Variants in CNKSR2 observed in about 807,000 individuals in gnomAD.
The protein encoded by CNKSR2 is CNK homolog protein 2.
In CNKSR2, 14 loss-of-function variants were observed where a neutral mutation model predicts 84.4. That is an observed-to-expected ratio of 0.17 (90% CI 0.11 to 0.26). CNKSR2 has a LOEUF of 0.26. Among genes scored for constraint, CNKSR2 ranks in the 10% least tolerant of loss-of-function variants. The pLI, the probability that CNKSR2 is intolerant of heterozygous loss-of-function variation, is 1.00. For missense variants in CNKSR2, 485 were observed against 771.2 expected (o/e 0.63, Z 4.40); for synonymous variants, 275 against 277.9 (o/e 0.99, Z 0.10).
intron 9 of CNKSR2, among the ~76,000 whole-genome samples, chrX:21,522,197 A>G (rs1453241768): frequency 9.0e-6 from 1 of 110,943 alleles, no homozygotes; most frequent in Non-Finnish European, 1.9e-5. Context: ...ACTTATGTGA[A>G]TGTTCTGTGC....
intron 5 of CNKSR2, among the ~76,000 whole-genome samples, chrX:21,487,862 C>T (rs980394913): frequency 8.9e-6 from 1 of 112,016 alleles, no homozygotes; most frequent in Non-Finnish European, 1.9e-5. Flanking sequence ...AGACCTAGTA[C>T]AAAATGAAAA....
intron 4 of CNKSR2, among the ~76,000 whole-genome samples, chrX:21,460,086 CATACTCTG>C (rs2091042755): frequency 8.9e-6 from 1 of 111,848 alleles, no homozygotes; most frequent in Non-Finnish European, 1.9e-5. Flanking sequence ...TCCCACCATA[CATACTCTG>C]TTCTGGTGAA....
At position 21,487,465 on chromosome X, in the gene CNKSR2, TG is replaced by T. The variant is rs1225995563; in HGVS notation, c.562-2993del. On this transcript the variant is annotated intron_variant, in intron 5 of 21. Transcript: ENST00000379510. Reference sequence around the variant, plus strand: ...TATACATCCATTACTTTCCTATTTATGTATTGGACTCTTTTGAAATATGCTT... The same window carrying T: ...TATACATCCATTACTTTCCTATTTATTATTGGACTCTTTTGAAATATGCTT... 2.7e-5 allele frequency among the ~76,000 whole-genome samples: 3 copies of T among 111,730 alleles called. No individual in the cohort carries two copies. The Admixed American group carries it at 2.9e-4, about 11-fold the overall frequency.
intron 13 of CNKSR2, among the ~76,000 whole-genome samples, chrX:21,585,818 G>C (rs1050949088): frequency 2.7e-5 from 3 of 111,508 alleles, no homozygotes; most frequent in Non-Finnish European, 3.8e-5. Flanking sequence ...GAAAGTGCTA[G>C]TGAAGGCATT....
intron 11 of CNKSR2, among the ~76,000 whole-genome samples, chrX:21,540,780 G>A (rs750060200): frequency 9.0e-6 from 1 of 111,726 alleles, no homozygotes; most frequent in East Asian, 2.8e-4. Context: ...AAGATTATAA[G>A]AATATGGGTA....
intron 13 of CNKSR2, among the ~76,000 whole-genome samples, chrX:21,583,990 T>C (rs1204300228): frequency 8.9e-6 from 1 of 112,498 alleles, no homozygotes; most frequent in Admixed American, 9.4e-5. Context: ...AATAGCCTTT[T>C]ATTTTAGCAC....
chrX:21,585,624 G>C (rs1335666126), intron 13 of CNKSR2, among the ~76,000 whole-genome samples: 2 of 110,839 alleles, frequency 1.8e-5, no homozygotes, highest in Non-Finnish European at 3.8e-5. Flanking sequence ...AGATTTGGCT[G>C]ATGAGTGATA....
chrX:21,631,874 A>G (rs7058945), intron 20 of CNKSR2, among the ~76,000 whole-genome samples: 1,977 of 112,181 alleles, frequency 0.018, 46 homozygotes, highest in African/African-American at 0.059. Flanking sequence ...CCGAGCTAAC[A>G]TGCTAAATTG....
intron 11 of CNKSR2, among the ~76,000 whole-genome samples, chrX:21,546,940 G>A (rs939995367): frequency 1.8e-5 from 2 of 111,739 alleles, no homozygotes; most frequent in Non-Finnish European, 3.8e-5. Context: ...CACTAAATAT[G>A]GAAAAGAAAA....
At chrX:21,484,471 T>C (rs1300326883) in intron 5 of CNKSR2, among the ~76,000 whole-genome samples, 1 of 112,228 alleles carries the variant, frequency 8.9e-6, no homozygotes, top group South Asian at 3.7e-4. Context: ...TTGTTTAAAC[T>C]GTATTTAAAT....
Position 21,497,949 on chromosome X carries a change from A to G in CNKSR2, c.741+103A>G, listed in dbSNP as rs1208486879. 8 of 451,163 alleles carry G rather than the reference A, an allele frequency of 1.8e-5. 1 individual carries two copies. The highest frequency in any genetic ancestry group is 2.8e-5 in the Non-Finnish European group (7 of 251,456). 37.2% of individuals were successfully genotyped at this position (451,163 alleles called of 1,213,427 possible). On this transcript the variant is annotated intron_variant, in intron 7 of 21. Coordinates refer to ENST00000379510, the MANE Select transcript of CNKSR2 (RefSeq NM_014927.5). ...GAGGTTAACATCTAAGGATAAGGAC[A>G]TGAACAGATAGTAGATACAATTTAA...
intron 4 of CNKSR2, among the ~76,000 whole-genome samples, chrX:21,458,297 A>T (rs1329969025): frequency 8.9e-6 from 1 of 112,818 alleles, no homozygotes; most frequent in African/African-American, 3.2e-5. Context: ...AATGGTTATC[A>T]AATTGAACAG....
At chrX:21,510,930 C>T (rs2091664706) in intron 8 of CNKSR2, among the ~76,000 whole-genome samples, 1 of 111,778 alleles carries the variant, frequency 8.9e-6, no homozygotes, top group South Asian at 3.7e-4. Context: ...ATGTGAAAAA[C>T]ATTATAGCTA....
intron 4 of CNKSR2, among the ~76,000 whole-genome samples, chrX:21,450,758 G>A (rs917133490): frequency 1.8e-5 from 2 of 111,554 alleles, no homozygotes; most frequent in African/African-American, 6.5e-5. Context: ...ATTACCATAA[G>A]CAACTTGAAT....
Position 21,609,296 on chromosome X carries a change from G to T in CNKSR2, c.2371G>T (p.Asp791Tyr). The change falls in exon 20 of 22, where the codon GAT becomes TAT. Residue 791 changes from aspartate to tyrosine, a missense_variant. Around this residue, in one of 5 missense-constraint regions of CNKSR2, gnomAD observed 210 missense variants for 291.5 expected, o/e 0.72. Transcript: ENST00000379510. ...LHYLQTLPLE[D>Y]SVFSDSAAIS... ...CTATCTTCAGACTCTGCCCCTGGAG[G>T]ATTCTGTCTTCTCTGACTCCGCGGC... 8.3e-7 allele frequency: 1 copy of T among 1,211,646 alleles called. No homozygotes were observed. The highest frequency in any genetic ancestry group is 1.1e-6 in the Non-Finnish European group (1 of 895,516).
chrX:21,475,250 C>G (rs1051540456), intron 5 of CNKSR2, among the ~76,000 whole-genome samples: 2 of 111,692 alleles, frequency 1.8e-5, no homozygotes, highest in African/African-American at 3.3e-5. Context: ...CCCCCATTTA[C>G]CCTGATGTAA....
intron 1 of CNKSR2, among the ~76,000 whole-genome samples, chrX:21,407,589 T>C (rs1327658604): frequency 3.6e-5 from 4 of 111,416 alleles, no homozygotes; most frequent in Admixed American, 1.9e-4. Flanking sequence ...AGATTTGGGA[T>C]TGTCATGAAA....
At chrX:21,617,385 A>T (rs1172365507) in intron 20 of CNKSR2, among the ~76,000 whole-genome samples, 1 of 111,796 alleles carries the variant, frequency 8.9e-6, no homozygotes, top group Non-Finnish European at 1.9e-5. Flanking sequence ...CAACTACCAG[A>T]AGATGGTAGA....
At chrX:21,509,547 G>T (rs2091649528) in intron 8 of CNKSR2, among the ~76,000 whole-genome samples, 1 of 111,389 alleles carries the variant, frequency 9.0e-6, no homozygotes, top group South Asian at 3.7e-4. Context: ...CTAAGCTAGG[G>T]TTAAAAATCA....
Sources: gnomAD v4.1 joint callset for allele counts (sites outside exome capture counted in the v4.1 genomes callset) on GRCh38, gnomAD v4.1.1 for gene constraint, gnomAD v4.1.1 regional missense constraint, MANE v1.5 for transcripts, NCBI Gene and HGNC (gene_info 2026-07-23, HGNC 2026-07-21) for gene names.